CPNE4: variants seen among roughly 807,000 people sequenced by gnomAD.
CPNE4 encodes copine 4, also known as copine-4.
Under a neutral mutation model 67.9 loss-of-function variants are expected in CPNE4, and 25 were observed. The ratio of observed to expected loss-of-function variants is 0.37; its 90% CI spans 0.27 to 0.51. The LOEUF (loss-of-function observed/expected upper bound fraction) is 0.51. Among genes scored for constraint, CPNE4 ranks in the 20% least tolerant of loss-of-function variants. The pLI is 0.93. For synonymous variants in CPNE4, 242 were observed against 244.9 expected (o/e 0.99, Z 0.11); for missense variants, 464 against 690.8 (o/e 0.67, Z 3.68).
chr3:131,900,502 A>C (rs2088511731), intron 2 of CPNE4, among the ~76,000 whole-genome samples: 1 of 152,076 alleles, frequency 6.6e-6, no homozygotes, highest in South Asian at 2.1e-4. Context: ...ACATTCAGGG[A>C]AAGAAAAAGA....
intron 15 of CPNE4, 55 bp downstream of exon 15, chr3:131,542,502 A>G: frequency 1.7e-6 from 2 of 1,163,864 alleles, no homozygotes; most frequent in South Asian, 2.5e-5. Context: ...GTGGGAGGTG[A>G]GCATGCTTTG....
At chr3:131,978,109 A>ATATTTATAT (rs1412163656) in intron 1 of CPNE4, among the ~76,000 whole-genome samples, 2 of 60,404 alleles carry the variant, frequency 3.3e-5, no homozygotes, top group Admixed American at 2.7e-4. Flanking sequence ...AAATATATAT[A>ATATTTATAT]AAATATATAT....
intron 9 of CPNE4, among the ~76,000 whole-genome samples, chr3:131,575,818 A>C (rs976528684): frequency 1.3e-5 from 2 of 152,104 alleles, no homozygotes; most frequent in African/African-American, 4.8e-5. Context: ...TCTGGGTTAC[A>C]TACTCTGTCC....
At position 131,737,115 on chromosome 3, in the gene CPNE4, C is replaced by CTTTTTTTTTTTTTTTTTTT. The variant is rs71788145; in HGVS notation, c.181-13509_181-13491dup. Among the ~76,000 whole-genome samples, 183 of 49,398 alleles carry CTTTTTTTTTTTTTTTTTTT rather than the reference C, an allele frequency of 3.7e-3. 24 individuals are homozygous for CTTTTTTTTTTTTTTTTTTT. The highest frequency in any genetic ancestry group is 5.9e-3 in the South Asian group (5 of 844). 32.4% of individuals were successfully genotyped at this position (49,398 alleles called of 152,430 possible). ...TGCCTCTTTTTATGAAGTATTGTGTCTTTTTTTTTTTTTTTTTTTTTTTTT... is the reference window on the plus strand; with the variant it reads ...TGCCTCTTTTTATGAAGTATTGTGTCTTTTTTTTTTTTTTTTTTTTTTTTTTTTTTTTTTTTTTTTTTTT... On this transcript the variant is annotated intron_variant, in intron 2 of 15. Transcript: ENST00000429747.
intron 2 of CPNE4, among the ~76,000 whole-genome samples, chr3:131,831,227 T>C (rs1343425450): frequency 1.3e-5 from 2 of 152,160 alleles, no homozygotes; most frequent in African/African-American, 4.8e-5. Flanking sequence ...TGGCACAGAA[T>C]GAATATTGAG....
chr3:131,805,234 G>C (rs185724363), intron 2 of CPNE4, among the ~76,000 whole-genome samples: 1 of 152,318 alleles, frequency 6.6e-6, no homozygotes, highest in Admixed American at 6.5e-5. Context: ...GCCCTGGAAA[G>C]ATACATTATT....
chr3:131,785,275 G>C (rs1434073488), intron 2 of CPNE4, among the ~76,000 whole-genome samples: 1 of 152,058 alleles, frequency 6.6e-6, no homozygotes, highest in Non-Finnish European at 1.5e-5. Context: ...CAGCTATCCT[G>C]CCCTCTTTGC....
chr3:131,551,641 G>A (rs1301663086), intron 13 of CPNE4, among the ~76,000 whole-genome samples: 2 of 151,908 alleles, frequency 1.3e-5, no homozygotes, highest in East Asian at 1.9e-4. Context: ...CATATTCTTG[G>A]CCATTAACTG....
At chr3:132,029,921 C>T (rs1197440533) in intron 1 of CPNE4, among the ~76,000 whole-genome samples, 1 of 152,178 alleles carries the variant, frequency 6.6e-6, no homozygotes, top group Non-Finnish European at 1.5e-5. Flanking sequence ...TCAATTGTGA[C>T]ATTTAAAATA....
At chr3:131,617,414 C>A (rs1275494659) in intron 7 of CPNE4, among the ~76,000 whole-genome samples, 1 of 152,194 alleles carries the variant, frequency 6.6e-6, no homozygotes, top group Non-Finnish European at 1.5e-5. Flanking sequence ...ATCCCCCCAA[C>A]AACCCAGGCA....
intron 2 of CPNE4, among the ~76,000 whole-genome samples, chr3:131,903,995 C>A (rs967572974): frequency 6.6e-6 from 1 of 152,044 alleles, no homozygotes; most frequent in Non-Finnish European, 1.5e-5. Flanking sequence ...TAAATCCTTC[C>A]CAGAATAAAC....
At chr3:131,888,396 T>C (rs1163978783) in intron 2 of CPNE4, among the ~76,000 whole-genome samples, 1 of 139,172 alleles carries the variant, frequency 7.2e-6, no homozygotes, top group Non-Finnish European at 1.7e-5. Context: ...GGAACTAGTC[T>C]TTGGGTTAAA....
chr3:131,536,329 T>C (rs938030550), intron 15 of CPNE4, among the ~76,000 whole-genome samples: 3 of 152,252 alleles, frequency 2.0e-5, no homozygotes, highest in Admixed American at 1.3e-4. Context: ...ACATGGACTC[T>C]GGAGTCATGT....
At chr3:131,903,423 A>G (rs2088624958) in intron 2 of CPNE4, among the ~76,000 whole-genome samples, 1 of 151,724 alleles carries the variant, frequency 6.6e-6, no homozygotes, top group Non-Finnish European at 1.5e-5. Context: ...AAAAAAAAAC[A>G]GACAAACTTA....
chr3:131,994,414 T>G (rs1287022576), intron 1 of CPNE4, among the ~76,000 whole-genome samples: 1 of 135,344 alleles, frequency 7.4e-6, no homozygotes, highest in East Asian at 2.4e-4. Context: ...CAAAGTAAGG[T>G]TCATGGACCA....
intron 6 of CPNE4, among the ~76,000 whole-genome samples, chr3:131,677,701 T>C (rs2080619095): frequency 6.6e-6 from 1 of 152,162 alleles, no homozygotes; most frequent in Admixed American, 6.5e-5. Flanking sequence ...CCTTTCCCCA[T>C]TGCTTGTTTT....
upstream of CPNE4, among the ~76,000 whole-genome samples, chr3:132,035,754 C>A (rs2074328062): frequency 6.6e-6 from 1 of 152,142 alleles, no homozygotes; most frequent in African/African-American, 2.4e-5. Context: ...ACAAACTAGA[C>A]AACTAAATTC....
At chr3:131,816,129 A>G (rs2084731188) in intron 2 of CPNE4, among the ~76,000 whole-genome samples, 1 of 152,194 alleles carries the variant, frequency 6.6e-6, no homozygotes, top group Admixed American at 6.5e-5. Context: ...GAGTATGGAA[A>G]AAGATCCTAA....
rs762079430 is a variant in CPNE4 at position 131,876,653 on chromosome 3, A to AAAAAAG, written c.180+28610_180+28611insCTTTTT. ...CAAGACTCCGTCTCAAAAAAAAAAAAAAAGAAAGAAAGAAAGAGACATTCT... is the reference window on the plus strand; with the variant it reads ...CAAGACTCCGTCTCAAAAAAAAAAAAAAAAAGAAAGAAAGAAAGAAAGAGACATTCT... On this transcript the variant is annotated intron_variant, in intron 2 of 15. Transcript: ENST00000429747. 1.2e-3 allele frequency among the ~76,000 whole-genome samples: 168 copies of AAAAAAG among 140,752 alleles called. 5 individuals are homozygous for AAAAAAG. The highest frequency in any genetic ancestry group is 3.8e-3 in the Middle Eastern group (1 of 264). The allele number at this position is 140,752 out of a possible 152,430, so 92.3% of individuals were successfully genotyped here. A position where few individuals can be genotyped will look rare whatever the true frequency, so the allele number is the denominator to read the frequency against.
Sources: gnomAD v4.1 joint callset for allele counts (sites outside exome capture counted in the v4.1 genomes callset) on GRCh38, gnomAD v4.1.1 for gene constraint, MANE v1.5 for transcripts, NCBI Gene and HGNC (gene_info 2026-07-23, HGNC 2026-07-21) for gene names.